ST3GAL3: variants seen among roughly 807,000 people sequenced by gnomAD.
ST3GAL3 encodes CMP-N-acetylneuraminate-beta-1,4-galactoside alpha-2,3-sialyltransferase.
A neutral mutation model predicts 50.1 loss-of-function variants in ST3GAL3; 21 were observed. That is an observed-to-expected ratio of 0.42 (90% CI 0.30 to 0.60). The LOEUF (loss-of-function observed/expected upper bound fraction) is 0.60. ST3GAL3 is among the 20% of genes least tolerant of loss of function. ST3GAL3 has a pLI of 0.19. For synonymous variants in ST3GAL3, 183 were observed against 190.0 expected, an observed-to-expected ratio of 0.96 and a Z score of 0.30; for missense variants, 353 against 489.4, an observed-to-expected ratio of 0.72 and a Z score of 2.63.
chr1:43,819,587 G>A (rs908203410), intron 4 of ST3GAL3, among the ~76,000 whole-genome samples: 8 of 152,144 alleles, frequency 5.3e-5, no homozygotes, highest in East Asian at 3.9e-4. Flanking sequence ...TTATCTCCTC[G>A]CTCCAGATGT....
chr1:43,798,417 C>G (rs962869241), intron 3 of ST3GAL3, among the ~76,000 whole-genome samples: 1 of 152,184 alleles, frequency 6.6e-6, no homozygotes, highest in Admixed American at 6.5e-5. Context: ...CTGAGTCCTA[C>G]TTAACCTCTC....
At chr1:43,891,682 C>A (rs2076700148) in intron 5 of ST3GAL3, among the ~76,000 whole-genome samples, 1 of 152,218 alleles carries the variant, frequency 6.6e-6, no homozygotes, top group Non-Finnish European at 1.5e-5. Context: ...CATAAAAAAG[C>A]CTCATTAATC....
At position 43,899,366 on chromosome 1, in the gene ST3GAL3, C is replaced by T. The variant is rs772430098; in HGVS notation, c.557+103C>T. On this transcript the variant is annotated intron_variant, in intron 8 of 11. Transcript: ENST00000347631. The surrounding 1 kb of genome is among the most constrained non-coding windows in gnomAD (Gnocchi z 5.4). Reference sequence around the variant, plus strand: ...TCTGGCTAGTTGGGCTGGAGGTCAACGGAAGCCTCAAGAACTCTGGGTTGG... The same window carrying T: ...TCTGGCTAGTTGGGCTGGAGGTCAATGGAAGCCTCAAGAACTCTGGGTTGG... 5.6e-6 allele frequency: 9 copies of T among 1,603,216 alleles called. No homozygotes were observed. The highest frequency in any genetic ancestry group is 2.3e-5 in the East Asian group (1 of 44,352).
At chr1:43,924,636 C>A (rs958119177) in intron 11 of ST3GAL3, among the ~76,000 whole-genome samples, 2 of 152,264 alleles carry the variant, frequency 1.3e-5, no homozygotes, top group Non-Finnish European at 1.5e-5. Flanking sequence ...AGTTGCTGCA[C>A]TTTGGGCAAG....
intron 1 of ST3GAL3, among the ~76,000 whole-genome samples, chr1:43,712,764 G>A (rs892154585): frequency 1.1e-4 from 17 of 152,342 alleles, no homozygotes; most frequent in African/African-American, 4.1e-4. Context: ...AACAATGTGT[G>A]CTGTGGCCTA....
At chr1:43,851,307 C>T in intron 5 of ST3GAL3, 2 of 1,540,618 alleles carry the variant, frequency 1.3e-6, no homozygotes, top group Non-Finnish European at 9.0e-7. Context: ...TGACCCCCAT[C>T]TGGCAGGTCC....
At chr1:43,850,371 C>T in intron 5 of ST3GAL3, 1 of 560,280 alleles carries the variant, frequency 1.8e-6, no homozygotes, top group Non-Finnish European at 3.4e-6. Context: ...CTGCACACAC[C>T]CCTGGTATTT....
intron 2 of ST3GAL3, among the ~76,000 whole-genome samples, chr1:43,747,906 C>T (rs983320493): frequency 3.9e-5 from 6 of 152,018 alleles, no homozygotes; most frequent in African/African-American, 7.2e-5. Context: ...ATGGAGGATT[C>T]GTTACGTATG....
intron 2 of ST3GAL3, among the ~76,000 whole-genome samples, chr1:43,746,056 G>A (rs1683496332): frequency 6.6e-6 from 1 of 152,224 alleles, no homozygotes; most frequent in South Asian, 2.1e-4. Flanking sequence ...GCAGTTCTTA[G>A]AATATATCCC....
intron 2 of ST3GAL3, among the ~76,000 whole-genome samples, chr1:43,776,195 T>C (rs1341628165): frequency 6.6e-6 from 1 of 152,182 alleles, no homozygotes; most frequent in Non-Finnish European, 1.5e-5. Flanking sequence ...CTGCAGCCAT[T>C]TGCCGTCAGG....
chr1:43,731,084 G>A (rs1675540619), intron 1 of ST3GAL3, among the ~76,000 whole-genome samples: 1 of 151,626 alleles, frequency 6.6e-6, no homozygotes, highest in Non-Finnish European at 1.5e-5. Context: ...CCAGGCTGGA[G>A]TACAGTGGTG....
At chr1:43,806,014 G>A (rs942110110) in intron 3 of ST3GAL3, among the ~76,000 whole-genome samples, 4 of 152,164 alleles carry the variant, frequency 2.6e-5, no homozygotes, top group African/African-American at 4.8e-5. Flanking sequence ...GATTACAGGC[G>A]TGAACCACCG....
intron 2 of ST3GAL3, among the ~76,000 whole-genome samples, chr1:43,756,966 G>A (rs1215065737): frequency 2.6e-5 from 4 of 152,060 alleles, no homozygotes; most frequent in Admixed American, 1.3e-4. Flanking sequence ...GTGCAGTGGC[G>A]TGATCTCAGC....
At chr1:43,719,093 T>C (rs1340400079) in intron 1 of ST3GAL3, 2 of 152,208 alleles carry the variant, frequency 1.3e-5, no homozygotes, top group African/African-American at 2.4e-5. Context: ...TGATTTCTAC[T>C]CAGGAAGTCA....
intron 1 of ST3GAL3, chr1:43,709,381 C>T (rs1288176106): frequency 6.6e-6 from 1 of 152,010 alleles, no homozygotes; most frequent in African/African-American, 2.4e-5. Context: ...TTGTCATTGT[C>T]ACTTTTTCTT....
chr1:43,771,050 A>G (rs1173914605), intron 2 of ST3GAL3, among the ~76,000 whole-genome samples: 2 of 152,224 alleles, frequency 1.3e-5, no homozygotes, highest in African/African-American at 4.8e-5. Context: ...TTCCTTAATC[A>G]GATCTTCACT....
intron 1 of ST3GAL3, among the ~76,000 whole-genome samples, chr1:43,708,927 T>G (rs1367600833): frequency 6.6e-6 from 1 of 152,200 alleles, no homozygotes; most frequent in African/African-American, 2.4e-5. Flanking sequence ...GATAAGAAAC[T>G]TGCTCTAATG....
intron 9 of ST3GAL3, chr1:43,914,609 T>C (rs1222079049): frequency 6.6e-6 from 1 of 152,098 alleles, no homozygotes; most frequent in African/African-American, 2.4e-5. Flanking sequence ...TGGGTGAAAG[T>C]TAAAGAGATA....
At chr1:43,848,294 CTTTTTTT>C (rs58438507) in intron 5 of ST3GAL3, among the ~76,000 whole-genome samples, 1 of 70,390 alleles carries the variant, frequency 1.4e-5, no homozygotes, top group Non-Finnish European at 2.5e-5. Flanking sequence ...TTGTGGTTTT[CTTTTTTT>C]TTTTTTTTTT....
Sources: gnomAD v4.1 joint callset for allele counts (sites outside exome capture counted in the v4.1 genomes callset) on GRCh38, gnomAD v4.1.1 for gene constraint, Gnocchi (gnomAD v3.1) non-coding constraint, MANE v1.5 for transcripts, NCBI Gene and HGNC (gene_info 2026-07-23, HGNC 2026-07-21) for gene names.